NAV3: variants seen among roughly 807,000 people sequenced by gnomAD.
NAV3 encodes the protein pore membrane and/or filament interacting like protein 1.
In NAV3, 87 loss-of-function variants were observed where a neutral mutation model predicts 244.7. That is an observed-to-expected ratio of 0.36 (90% CI 0.30 to 0.42). NAV3 has a LOEUF of 0.42. Ranked by LOEUF, NAV3 falls within the 20% of genes least tolerant of loss-of-function variation. NAV3 has a pLI of 1.00. For synonymous variants in NAV3, 1,126 were observed against 1,042.2 expected, an observed-to-expected ratio of 1.08 and a Z score of -1.55; for missense variants, 2,663 against 2,893.3, an observed-to-expected ratio of 0.92 and a Z score of 1.83.
chr12:77,588,865 G>A (rs1356327778), intron 2 of NAV3, among the ~76,000 whole-genome samples: 3 of 152,200 alleles, frequency 2.0e-5, no homozygotes, highest in Non-Finnish European at 4.4e-5. Flanking sequence ...TTTGTAAAAT[G>A]TGAAATCCCT....
At chr12:77,601,176 A>G (rs975685049) in intron 2 of NAV3, among the ~76,000 whole-genome samples, 1 of 151,922 alleles carries the variant, frequency 6.6e-6, no homozygotes, top group Admixed American at 6.6e-5. Context: ...TGTAGGGATA[A>G]TTATTATCTG....
At chr12:77,583,737 T>G (rs1869473513) in intron 2 of NAV3, among the ~76,000 whole-genome samples, 3 of 152,114 alleles carry the variant, frequency 2.0e-5, no homozygotes, top group South Asian at 2.1e-4. Flanking sequence ...ACATCCAGAT[T>G]TATCACTCAC....
At chr12:77,965,048 C>A (rs1230133637) in intron 3 of NAV3, among the ~76,000 whole-genome samples, 1 of 152,100 alleles carries the variant, frequency 6.6e-6, no homozygotes, top group Non-Finnish European at 1.5e-5. Context: ...TGTCCTCATG[C>A]ATAGCTTTCG....
chr12:78,159,140 G>C (rs1194210339), intron 22 of NAV3, 63 bp from the exon 23 acceptor site: 5 of 1,386,592 alleles, frequency 3.6e-6, no homozygotes, highest in Non-Finnish European at 4.0e-6. Flanking sequence ...TAAAATGAAG[G>C]CTTTTCATCC....
At chr12:78,100,079 C>A (rs1954461819) in intron 12 of NAV3, among the ~76,000 whole-genome samples, 1 of 151,794 alleles carries the variant, frequency 6.6e-6, no homozygotes. Flanking sequence ...TCTCTTTACT[C>A]AAAACCCACA....
chr12:77,863,573 T>G (rs185038131), intron 1 of NAV3, among the ~76,000 whole-genome samples: 30 of 152,024 alleles, frequency 2.0e-4, no homozygotes, highest in African/African-American at 2.4e-4. Flanking sequence ...ATTTTAAAAT[T>G]TATTGGACTG....
At chr12:77,927,693 A>G (rs1888352278) in intron 1 of NAV3, among the ~76,000 whole-genome samples, 1 of 152,216 alleles carries the variant, frequency 6.6e-6, no homozygotes, top group Non-Finnish European at 1.5e-5. Context: ...TTAAAGTGAA[A>G]TAAAATTTAA....
At chr12:78,163,910 A>G (rs1957672194) in intron 23 of NAV3, among the ~76,000 whole-genome samples, 1 of 152,068 alleles carries the variant, frequency 6.6e-6, no homozygotes, top group Non-Finnish European at 1.5e-5. Context: ...GGCATCCATT[A>G]TATGTGCTGA....
intron 18 of NAV3, among the ~76,000 whole-genome samples, chr12:78,132,212 C>T (rs1956194974): frequency 6.8e-6 from 1 of 147,008 alleles, no homozygotes; most frequent in Admixed American, 7.3e-5. Context: ...AGAGTTAAAA[C>T]ACAATTAATA....
At chr12:78,050,700 A>T (rs1351937471) in intron 10 of NAV3, 64 bp from the exon 11 acceptor site, 2 of 1,501,408 alleles carry the variant, frequency 1.3e-6, no homozygotes, top group Non-Finnish European at 1.8e-6. Context: ...TTCTGTCTTC[A>T]TGCATTCTAG....
At chr12:78,020,700 C>G (rs1393258163) in intron 8 of NAV3, among the ~76,000 whole-genome samples, 2 of 151,990 alleles carry the variant, frequency 1.3e-5, no homozygotes, top group Non-Finnish European at 2.9e-5. Flanking sequence ...TCTTGAAACT[C>G]AAATTTAGAT....
intron 2 of NAV3, among the ~76,000 whole-genome samples, chr12:77,692,505 C>G (rs1002093113): frequency 4.6e-5 from 7 of 151,958 alleles, no homozygotes; most frequent in African/African-American, 1.7e-4. Context: ...TGTCAAAGTG[C>G]TTTACTAAGC....
At chr12:78,173,877 T>C (rs1466175275) in intron 24 of NAV3, among the ~76,000 whole-genome samples, 3 of 151,692 alleles carry the variant, frequency 2.0e-5, no homozygotes, top group African/African-American at 7.2e-5. Flanking sequence ...CACATATATA[T>C]GTAGGTAAAT....
intron 2 of NAV3, among the ~76,000 whole-genome samples, chr12:77,711,865 C>T (rs1315473446): frequency 6.6e-6 from 1 of 152,176 alleles, no homozygotes; most frequent in African/African-American, 2.4e-5. Flanking sequence ...TCTTGATCTT[C>T]CTGCATCCTA....
chr12:77,637,467 T>C (rs997314589), intron 2 of NAV3, among the ~76,000 whole-genome samples: 1 of 152,186 alleles, frequency 6.6e-6, no homozygotes, highest in African/African-American at 2.4e-5. Context: ...CAAAGATACG[T>C]ATTTTTAAAG....
intron 8 of NAV3, among the ~76,000 whole-genome samples, chr12:78,012,037 G>C (rs1875380384): frequency 6.6e-6 from 1 of 152,094 alleles, no homozygotes; most frequent in Non-Finnish European, 1.5e-5. Flanking sequence ...CTCTACACAT[G>C]GGGATTACAA....
intron 2 of NAV3, among the ~76,000 whole-genome samples, chr12:77,710,768 AC>A (rs1281387955): frequency 6.6e-6 from 1 of 152,114 alleles, no homozygotes; most frequent in African/African-American, 2.4e-5. Context: ...GAAAAATGGC[AC>A]TTTATATTAT....
At chr12:77,589,903 A>G (rs1279139766) in intron 2 of NAV3, among the ~76,000 whole-genome samples, 1 of 152,242 alleles carries the variant, frequency 6.6e-6, no homozygotes, top group Admixed American at 6.5e-5. Context: ...TATCAACTTG[A>G]TCAATTTGCT....
chr12:77,894,499 A>G (rs1322299288), intron 1 of NAV3, among the ~76,000 whole-genome samples: 2 of 152,192 alleles, frequency 1.3e-5, no homozygotes, highest in African/African-American at 4.8e-5. Flanking sequence ...GCTACCCATA[A>G]TAACAACATG....
Sources: gnomAD v4.1 joint callset for allele counts (sites outside exome capture counted in the v4.1 genomes callset) on GRCh38, gnomAD v4.1.1 for gene constraint, MANE v1.5 for transcripts, NCBI Gene and HGNC (gene_info 2026-07-23, HGNC 2026-07-21) for gene names.